Variants in IQCK observed in about 807,000 individuals in gnomAD.
IQCK encodes the protein IQ motif containing K, also known as IQ domain-containing protein K.
A neutral mutation model predicts 28.1 loss-of-function variants in IQCK; 29 were observed. That is an observed-to-expected ratio of 1.03 (90% CI 0.77 to 1.41). IQCK has a LOEUF of 1.41. Ranked by LOEUF, IQCK falls within the 40% of genes most tolerant of loss-of-function variation. The probability of loss-of-function intolerance (pLI) is 0.00; values close to 1 mark genes in which losing one functional copy is unlikely to be tolerated. For synonymous variants in IQCK, 113 were observed against 115.1 expected (o/e 0.98, Z 0.12); for missense variants, 359 against 314.7 (o/e 1.14, Z -1.07).
intron 7 of IQCK, among the ~76,000 whole-genome samples, chr16:19,816,186 A>G (rs1310795568): frequency 6.6e-6 from 1 of 152,202 alleles, no homozygotes; most frequent in Admixed American, 6.5e-5. Context: ...AGAGAAAACA[A>G]CTGAGGAATT....
downstream of IQCK, among the ~76,000 whole-genome samples, chr16:19,828,237 T>C (rs1427650067): frequency 4.9e-5 from 7 of 142,848 alleles, no homozygotes; most frequent in African/African-American, 1.3e-4. Context: ...TTTTCTTTTT[T>C]TTTTTTTTTT....
chr16:19,775,023 C>T (rs542466273), intron 6 of IQCK, among the ~76,000 whole-genome samples: 138 of 152,010 alleles, frequency 9.1e-4, no homozygotes, highest in African/African-American at 3.1e-3. Context: ...GTCAGGAGTT[C>T]GAGACCACCC....
chr16:19,812,696 G>T (rs1025886782), intron 7 of IQCK, among the ~76,000 whole-genome samples: 1 of 152,118 alleles, frequency 6.6e-6, no homozygotes, highest in Non-Finnish European at 1.5e-5. Context: ...GAAAGGAGGG[G>T]AGTCAGTAGA....
chr16:19,744,821 G>T (rs2054884869), intron 4 of IQCK, among the ~76,000 whole-genome samples: 2 of 152,204 alleles, frequency 1.3e-5, no homozygotes, highest in Admixed American at 6.5e-5. Flanking sequence ...AATATACTCT[G>T]TGAAAGGTAA....
intron 4 of IQCK, among the ~76,000 whole-genome samples, chr16:19,757,518 C>T (rs1480400606): frequency 6.6e-6 from 1 of 152,254 alleles, no homozygotes; most frequent in East Asian, 1.9e-4. Context: ...ACTAAAAACA[C>T]AAAAATTAGC....
chr16:19,772,802 T>C (rs2055336819), intron 6 of IQCK, among the ~76,000 whole-genome samples: 1 of 152,088 alleles, frequency 6.6e-6, no homozygotes, highest in Non-Finnish European at 1.5e-5. Flanking sequence ...CCCAGGAGTT[T>C]GGACCAGTCT....
chr16:19,829,608 A>T (rs2056203229), downstream of IQCK, among the ~76,000 whole-genome samples: 2 of 152,204 alleles, frequency 1.3e-5, no homozygotes, highest in South Asian at 2.1e-4. Context: ...AAGTGCTGGG[A>T]TTACAGGCAT....
chr16:19,750,163 G>A (rs1202041797), intron 4 of IQCK, among the ~76,000 whole-genome samples: 4 of 151,952 alleles, frequency 2.6e-5, no homozygotes, highest in African/African-American at 4.8e-5. Context: ...GTGTCGCGCC[G>A]TGGCCCAGGC....
At chr16:19,745,245 C>T (rs1381791888) in intron 4 of IQCK, among the ~76,000 whole-genome samples, 6 of 152,154 alleles carry the variant, frequency 3.9e-5, no homozygotes, top group Non-Finnish European at 8.8e-5. Context: ...CAGTGAATCA[C>T]CTCACCTACA....
chr16:19,753,662 A>C (rs1424614668), intron 4 of IQCK, among the ~76,000 whole-genome samples: 1 of 152,096 alleles, frequency 6.6e-6, no homozygotes, highest in African/African-American at 2.4e-5. Flanking sequence ...GACTTAAATA[A>C]TACAGAGGAT....
intron 7 of IQCK, among the ~76,000 whole-genome samples, chr16:19,820,645 T>C (rs1037865265): frequency 1.8e-5 from 2 of 113,218 alleles, no homozygotes; most frequent in African/African-American, 7.8e-5. Context: ...GGAAACTCTG[T>C]ATCAAAAAAA....
At chr16:19,762,705 G>C (rs1162435101) in intron 4 of IQCK, among the ~76,000 whole-genome samples, 1 of 151,942 alleles carries the variant, frequency 6.6e-6, no homozygotes, top group Non-Finnish European at 1.5e-5. Flanking sequence ...CCAAACCCCC[G>C]TGCAGTCAAA....
chr16:19,808,919 G>T lies in IQCK; in HGVS notation c.691-18107G>T, dbSNP rs11641590. 2.0e-5 allele frequency among the ~76,000 whole-genome samples: 3 copies of T among 152,072 alleles called. No homozygotes were observed. In the East Asian group the frequency reaches 5.8e-4, roughly 29 times the overall value. The stretch of plus-strand genomic sequence containing the variant: ...GTTGTCCAGGCTGGAGTGCAATGGC[G>T]CAATCTTGGCTCTCTGCAACCTCTG... On this transcript the variant is annotated intron_variant, in intron 7 of 7. Coordinates refer to ENST00000564186, the Ensembl canonical transcript of IQCK.
chr16:19,858,242 A>G (rs764282819), exon 10 of IQCK: 321 of 372,126 alleles, frequency 8.6e-4, no homozygotes, highest in Non-Finnish European at 1.3e-3. Flanking sequence ...CGCCCCCATT[A>G]TGAAGGCGTT....
chr16:19,733,792 C>T (rs1567535342), exon 3 of IQCK: 2 of 1,614,050 alleles, frequency 1.2e-6, no homozygotes, highest in Admixed American at 1.7e-5. Flanking sequence ...ACACCCTGTC[C>T]TCAAGATAAA....
intron 6 of IQCK, among the ~76,000 whole-genome samples, chr16:19,772,625 T>C (rs1025743334): frequency 3.3e-5 from 5 of 152,186 alleles, no homozygotes; most frequent in African/African-American, 4.8e-5. Flanking sequence ...AACAGTATAA[T>C]TGAAGCTGGT....
intron 7 of IQCK, among the ~76,000 whole-genome samples, chr16:19,819,037 A>G (rs983352742): frequency 3.9e-5 from 6 of 152,200 alleles, no homozygotes; most frequent in Non-Finnish European, 8.8e-5. Flanking sequence ...CAAGTTTCCT[A>G]GTTATCAAAA....
chr16:19,780,335 C>G (rs2055462010), intron 6 of IQCK, among the ~76,000 whole-genome samples: 1 of 152,134 alleles, frequency 6.6e-6, no homozygotes, highest in Admixed American at 6.6e-5. Context: ...AGCCACTGTG[C>G]CCAGCCAAAA....
rs115711498 is a variant in IQCK at position 19,841,003 on chromosome 16, T to A, written c.802+13866T>A. Among the ~76,000 whole-genome samples, 887 of 152,346 alleles carry A rather than the reference T, an allele frequency of 5.8e-3. 4 individuals carry two copies. Among genetic ancestry groups the A allele is most frequent in the African/African-American group, 0.019 (794 of 41,584 alleles). ...CTCTGTGAGCACCAGTCCAAGGCTG[T>A]TGACACATGGTGTTCACCCTTAGGA... On this transcript the variant is annotated intron_variant, in intron 9 of 9. Coordinates refer to the IQCK transcript ENST00000320394.
Sources: allele counts gnomAD v4.1 joint callset (sites outside exome capture counted in the v4.1 genomes callset), GRCh38; gene constraint gnomAD v4.1.1; transcripts MANE v1.5; gene names NCBI Gene and HGNC (gene_info 2026-07-23, HGNC 2026-07-21).